RGS5: variants seen among roughly 807,000 people sequenced by gnomAD.
RGS5 encodes the protein regulator of G protein signaling 5.
In RGS5, 20 loss-of-function variants were observed where a neutral mutation model predicts 18.9. That is an observed-to-expected ratio of 1.06 (90% CI 0.74 to 1.54). The LOEUF (loss-of-function observed/expected upper bound fraction) is 1.54. Among genes scored for constraint, RGS5 ranks in the 40% most tolerant of loss-of-function variants. RGS5 has a pLI of 0.00. For missense variants in RGS5, 201 were observed against 211.8 expected (o/e 0.95, Z 0.32); for synonymous variants, 57 against 76.2 (o/e 0.75, Z 1.31).
chr1:163,254,113 G>A (rs1648199978), intron 2 of RGS5, among the ~76,000 whole-genome samples: 1 of 150,834 alleles, frequency 6.6e-6, no homozygotes, highest in Non-Finnish European at 1.5e-5. Flanking sequence ...ATAAACATAT[G>A]TGTGCATGTG....
chr1:163,220,739 T>C (rs935807275), upstream of RGS5, among the ~76,000 whole-genome samples: 2 of 152,104 alleles, frequency 1.3e-5, no homozygotes, highest in South Asian at 4.2e-4. Context: ...AATAAGAATC[T>C]TGAGATGGGG....
rs1657125498 is a variant in RGS5 at position 163,146,271 on chromosome 1, T to A, written c.*1071A>T. ...TTTTTTTTTTTTGCAAAATGCAGTG[T>A]ACCTTAAAAGTGTCTCACCTAGAAG... On this transcript the variant is annotated 3_prime_UTR_variant, in exon 5 of 5. Coordinates refer to ENST00000313961, the MANE Select transcript of RGS5 (RefSeq NM_003617.4). 1 of 151,616 alleles carries A rather than the reference T, an allele frequency of 6.6e-6. No individual in the cohort carries two copies. Among genetic ancestry groups the A allele is most frequent in the Non-Finnish European group, 1.5e-5 (1 of 67,936 alleles). The allele number at this position is 151,616 out of a possible 1,614,324, so 9.4% of individuals were successfully genotyped here.
At chr1:163,271,550 G>T (rs1279828031) in intron 2 of RGS5, among the ~76,000 whole-genome samples, 1 of 152,160 alleles carries the variant, frequency 6.6e-6, no homozygotes, top group Non-Finnish European at 1.5e-5. Context: ...ATAAATTTCT[G>T]TGGTTTAGGC....
intron 3 of RGS5, among the ~76,000 whole-genome samples, chr1:163,159,766 G>A (rs796197674): frequency 1.3e-5 from 2 of 152,092 alleles, no homozygotes; most frequent in South Asian, 2.1e-4. Flanking sequence ...TAAACACACA[G>A]GCAAACACAC....
At chr1:163,161,055 G>A (rs1657777654) in intron 3 of RGS5, among the ~76,000 whole-genome samples, 1 of 152,140 alleles carries the variant, frequency 6.6e-6, no homozygotes, top group Admixed American at 6.6e-5. Context: ...TTCAGAGGGT[G>A]GATAAATTGT....
intron 1 of RGS5, among the ~76,000 whole-genome samples, chr1:163,215,409 G>T (rs1660195238): frequency 6.6e-6 from 1 of 152,114 alleles, no homozygotes; most frequent in Non-Finnish European, 1.5e-5. Context: ...CTACATTTGG[G>T]ATTAAATGAT....
At chr1:163,225,585 C>A (rs1323900737) in intron 2 of RGS5, among the ~76,000 whole-genome samples, 1 of 152,074 alleles carries the variant, frequency 6.6e-6, no homozygotes, top group African/African-American at 2.4e-5. Context: ...CCCACACCCC[C>A]TACCCACCCC....
rs1244869507 is a variant in RGS5 at position 163,228,578 on chromosome 1, C to G, written c.-280-60210G>C. Among the ~76,000 whole-genome samples the G allele has an allele frequency of 3.9e-5, 6 of 152,216 alleles. No individual in the cohort carries two copies. The East Asian group carries it at 1.2e-3, about 29-fold the overall frequency. ...GAAAGTCTCTGACACACCCTGGACACCTTTTCCCCATTGTCTTGGTGATTA... is the reference window on the plus strand; with the variant it reads ...GAAAGTCTCTGACACACCCTGGACAGCTTTTCCCCATTGTCTTGGTGATTA... On this transcript the variant is annotated intron_variant, in intron 2 of 5. Coordinates refer to the RGS5 transcript ENST00000618415.
At chr1:163,156,707 C>T (rs1657593526) in intron 3 of RGS5, among the ~76,000 whole-genome samples, 2 of 152,208 alleles carry the variant, frequency 1.3e-5, no homozygotes, top group South Asian at 4.1e-4. Flanking sequence ...AATCAAAGAA[C>T]ACTAACTTTA....
chr1:163,224,159 T>C (rs1046306465), intron 2 of RGS5, among the ~76,000 whole-genome samples: 4 of 152,050 alleles, frequency 2.6e-5, no homozygotes, highest in Non-Finnish European at 4.4e-5. Flanking sequence ...CCAGAACTTG[T>C]CCCTCCTATC....
Position 163,241,087 on chromosome 1 carries a change from ACTCT to A in RGS5, c.-281+65142_-281+65145del, listed in dbSNP as rs1359413015. The stretch of plus-strand genomic sequence containing the variant: ...GTCTTCAGGTAAGAGACCCCTGACC[ACTCT>A]CTCTGAAATTCTGTTATCTGACCTA... On this transcript the variant is annotated intron_variant, in intron 2 of 5. Coordinates refer to the RGS5 transcript ENST00000618415. Among the ~76,000 whole-genome samples, 12 of 151,614 alleles carry A rather than the reference ACTCT, an allele frequency of 7.9e-5. No individual in the cohort carries two copies. The East Asian group carries it at 2.3e-3, about 29-fold the overall frequency.
chr1:163,271,395 A>G (rs1418189360), intron 2 of RGS5, among the ~76,000 whole-genome samples: 1 of 152,074 alleles, frequency 6.6e-6, no homozygotes, highest in African/African-American at 2.4e-5. Context: ...AATAACGAAA[A>G]AGAGAAAGAG....
chr1:163,215,893 C>T (rs775498498), intron 1 of RGS5, among the ~76,000 whole-genome samples: 91 of 151,434 alleles, frequency 6.0e-4, no homozygotes, highest in Non-Finnish European at 1.0e-3. Flanking sequence ...AGTGAAACAC[C>T]GTGTCTATTC....
At chr1:163,224,021 G>A (rs978291882) in intron 2 of RGS5, among the ~76,000 whole-genome samples, 3 of 152,110 alleles carry the variant, frequency 2.0e-5, no homozygotes, top group African/African-American at 4.8e-5. Context: ...ATGGTAATTA[G>A]CATGTCCATC....
At chr1:163,218,438 ACT>A (rs552713175), upstream of RGS5, among the ~76,000 whole-genome samples, 31 of 152,144 alleles carry the variant, frequency 2.0e-4, no homozygotes, top group Non-Finnish European at 1.9e-4. Context: ...TAGTAGATCC[ACT>A]GTTAGATATT....
chr1:163,205,370 GGA>G (rs969692361), upstream of RGS5, among the ~76,000 whole-genome samples: 1 of 127,536 alleles, frequency 7.8e-6, no homozygotes, highest in Non-Finnish European at 1.6e-5. Context: ...AAAAAAAAAA[GGA>G]GAGAGCCTAC....
At chr1:163,308,466 T>C (rs180786899) in intron 1 of RGS5, 28 of 152,238 alleles carry the variant, frequency 1.8e-4, no homozygotes, top group Non-Finnish European at 3.1e-4. Flanking sequence ...GAAAAAGAGA[T>C]AACACAAAAA....
chr1:163,254,157 T>C (rs908273482), intron 2 of RGS5, among the ~76,000 whole-genome samples: 2 of 150,080 alleles, frequency 1.3e-5, no homozygotes, highest in African/African-American at 4.9e-5. Context: ...GTCCTTTGGG[T>C]ATATACCCAG....
intron 1 of RGS5, among the ~76,000 whole-genome samples, chr1:163,214,219 A>G (rs1252815311): frequency 6.6e-6 from 1 of 152,172 alleles, no homozygotes; most frequent in Non-Finnish European, 1.5e-5. Context: ...GAAGAAAATC[A>G]CATAGGTTCT....
Sources: allele counts gnomAD v4.1 joint callset (sites outside exome capture counted in the v4.1 genomes callset), GRCh38; gene constraint gnomAD v4.1.1; transcripts MANE v1.5; gene names NCBI Gene and HGNC (gene_info 2026-07-23, HGNC 2026-07-21).